The following PRKAG2 variants were observed in gnomAD, a reference collection of about 807,000 sequenced individuals.
The protein encoded by PRKAG2 is 5'-AMP-activated protein kinase subunit gamma-2.
A neutral mutation model predicts 69.6 loss-of-function variants in PRKAG2; 26 were observed. The observed-to-expected ratio is 0.37, with a 90% CI of 0.27 to 0.52. The LOEUF (loss-of-function observed/expected upper bound fraction) is 0.52, where lower values mean the gene tolerates loss of function less well. Ranked by LOEUF, PRKAG2 falls within the 20% of genes least tolerant of loss-of-function variation. The pLI is 0.90. For missense variants in PRKAG2, 557 were observed against 740.0 expected (o/e 0.75, Z 2.87); for synonymous variants, 293 against 285.0 (o/e 1.03, Z -0.28).
chr7:151,717,201 C>T (rs955550878), intron 3 of PRKAG2, among the ~76,000 whole-genome samples: 7 of 149,104 alleles, frequency 4.7e-5, no homozygotes, highest in African/African-American at 1.7e-4. Context: ...GAGCTGAGAT[C>T]GTGACATTGC....
intron 4 of PRKAG2, among the ~76,000 whole-genome samples, chr7:151,650,960 G>A (rs982459221): frequency 6.6e-6 from 1 of 152,148 alleles, no homozygotes; most frequent in African/African-American, 2.4e-5. Flanking sequence ...CTGAAAAATT[G>A]TAGTTATTTG....
chr7:151,614,930 G>A lies in PRKAG2; in HGVS notation c.754+17139C>T, dbSNP rs961455589. Among the ~76,000 whole-genome samples the A allele has an allele frequency of 6.6e-6, 1 of 152,052 alleles. No homozygotes were observed. Among genetic ancestry groups the A allele is most frequent in the East Asian group, 1.9e-4 (1 of 5,190 alleles). On this transcript the variant is annotated intron_variant, in intron 5 of 15. Coordinates refer to ENST00000287878, the MANE Select transcript of PRKAG2 (RefSeq NM_016203.4). The surrounding 1 kb of genome is among the most constrained non-coding windows in gnomAD (Gnocchi z 4.4). Reference sequence around the variant, plus strand: ...GAGGGAACCTCGAGAGAGGAGCCGTGTGGATCTAGAGGGAACCTCGAGAGA... The same window carrying A: ...GAGGGAACCTCGAGAGAGGAGCCGTATGGATCTAGAGGGAACCTCGAGAGA...
Position 151,781,532 on chromosome 7 carries a change from C to T in PRKAG2, c.187-101G>A, listed in dbSNP as rs998228889. ...TCATTGTCCTCTCTCACATGCGGGC[C>T]CCCCATAGTACCCTCCCAGAGAAAC... On this transcript the variant is annotated intron_variant, in intron 2 of 15. Transcript: ENST00000287878. The surrounding 1 kb of genome is among the most constrained non-coding windows in gnomAD (Gnocchi z 6.1). 1 of 1,387,588 alleles carries T rather than the reference C, an allele frequency of 7.2e-7. No homozygotes were observed. The highest frequency in any genetic ancestry group is 9.9e-7 in the Non-Finnish European group (1 of 1,013,870). The allele number at this position is 1,387,588 out of a possible 1,614,324, so 86.0% of individuals were successfully genotyped here.
At chr7:151,784,617 T>C (rs2076909107) in intron 2 of PRKAG2, among the ~76,000 whole-genome samples, 1 of 152,066 alleles carries the variant, frequency 6.6e-6, no homozygotes, top group Non-Finnish European at 1.5e-5. Flanking sequence ...GGCCATTCAC[T>C]TGGGCCACCA....
intron 6 of PRKAG2, among the ~76,000 whole-genome samples, chr7:151,578,957 T>C (rs1809689372): frequency 6.6e-6 from 1 of 152,242 alleles, no homozygotes; most frequent in Non-Finnish European, 1.5e-5. Context: ...TTTGCTTTTC[T>C]AAACTGGTTG....
intron 1 of PRKAG2, among the ~76,000 whole-genome samples, chr7:151,875,886 C>T (rs2080386220): frequency 6.6e-6 from 1 of 152,086 alleles, no homozygotes; most frequent in Admixed American, 6.5e-5. Context: ...GCTCCGAGCC[C>T]CCAAATACCA....
intron 1 of PRKAG2, among the ~76,000 whole-genome samples, chr7:151,821,424 C>A (rs1163847709): frequency 2.0e-5 from 3 of 152,140 alleles, no homozygotes; most frequent in African/African-American, 7.2e-5. Flanking sequence ...CAGGCTGTAG[C>A]ACAAGCCTGG....
intron 5 of PRKAG2, among the ~76,000 whole-genome samples, chr7:151,605,299 G>A (rs1817239816): frequency 6.6e-6 from 1 of 151,270 alleles, no homozygotes; most frequent in Non-Finnish European, 1.5e-5. Flanking sequence ...TTACAGGTGT[G>A]AGCCATCACA....
intron 3 of PRKAG2, among the ~76,000 whole-genome samples, chr7:151,737,017 GTA>G (rs2073471307): frequency 1.3e-5 from 2 of 152,120 alleles, no homozygotes; most frequent in East Asian, 1.9e-4. Context: ...TTTATAATTT[GTA>G]TATGTTTTGC....
At chr7:151,702,891 C>G (rs1039602512) in intron 3 of PRKAG2, among the ~76,000 whole-genome samples, 10 of 152,186 alleles carry the variant, frequency 6.6e-5, no homozygotes, top group Admixed American at 2.6e-4. Context: ...ATGCCAGAAG[C>G]TGGGGGTGAT....
intron 3 of PRKAG2, among the ~76,000 whole-genome samples, chr7:151,733,818 T>A (rs572621660): frequency 1.6e-4 from 24 of 152,128 alleles, no homozygotes; most frequent in African/African-American, 5.5e-4. Flanking sequence ...ACTTCAGCTT[T>A]CTGAGTAGCT....
At chr7:151,574,074 C>T (rs747366046) in intron 8 of PRKAG2, among the ~76,000 whole-genome samples, 3 of 152,086 alleles carry the variant, frequency 2.0e-5, no homozygotes, top group South Asian at 2.1e-4. Flanking sequence ...CCACTGTGCC[C>T]GGCAAGAGCA....
chr7:151,786,793 A>G (rs2077033526), intron 1 of PRKAG2, among the ~76,000 whole-genome samples: 1 of 152,226 alleles, frequency 6.6e-6, no homozygotes. Flanking sequence ...GAAGGAGGAA[A>G]GAAGAAATGG....
chr7:151,647,171 A>G (rs1345477683), intron 4 of PRKAG2, among the ~76,000 whole-genome samples: 2 of 152,200 alleles, frequency 1.3e-5, no homozygotes, highest in Non-Finnish European at 2.9e-5. Context: ...CATTGCAGAG[A>G]GAGAGAAGAA....
chr7:151,815,254 C>T (rs1374245311), intron 1 of PRKAG2, among the ~76,000 whole-genome samples: 1 of 152,168 alleles, frequency 6.6e-6, no homozygotes, highest in Non-Finnish European at 1.5e-5. Context: ...CCTATATCAG[C>T]CATGTCTCTG....
In PRKAG2 at chr7:151,760,193, C is replaced by T. The variant is rs1364879601; in HGVS notation, c.466+20959G>A. Among the ~76,000 whole-genome samples, 3 of 152,208 alleles carry T rather than the reference C, an allele frequency of 2.0e-5. No homozygotes were observed. The East Asian group carries it at 5.8e-4, about 29-fold the overall frequency. Reference sequence around the variant, plus strand: ...AGCTGGGTCTCCCAGAAGCCTGTCTCCATCAGCCTGCTTTGCTTCCTTACT... The same window carrying T: ...AGCTGGGTCTCCCAGAAGCCTGTCTTCATCAGCCTGCTTTGCTTCCTTACT... On this transcript the variant is annotated intron_variant, in intron 3 of 15. Coordinates refer to ENST00000287878, the MANE Select transcript of PRKAG2 (RefSeq NM_016203.4).
intron 5 of PRKAG2, among the ~76,000 whole-genome samples, chr7:151,601,604 A>T (rs570004246): frequency 2.0e-5 from 3 of 152,162 alleles, no homozygotes; most frequent in African/African-American, 7.2e-5. Flanking sequence ...CAGACCTCAG[A>T]ACTGTCTCGT....
chr7:151,705,278 T>C (rs1276371172), intron 3 of PRKAG2, among the ~76,000 whole-genome samples: 3 of 152,130 alleles, frequency 2.0e-5, no homozygotes, highest in African/African-American at 7.2e-5. Flanking sequence ...TTCCTACTGA[T>C]AAGCCCACTT....
At chr7:151,830,336 C>T (rs548580088) in intron 1 of PRKAG2, among the ~76,000 whole-genome samples, 2 of 151,884 alleles carry the variant, frequency 1.3e-5, no homozygotes, top group South Asian at 2.1e-4. Context: ...GTGTGGGCCA[C>T]GGAAAGGCCA....
Sources: gnomAD v4.1 joint callset for allele counts (sites outside exome capture counted in the v4.1 genomes callset) on GRCh38, gnomAD v4.1.1 for gene constraint, Gnocchi (gnomAD v3.1) non-coding constraint, MANE v1.5 for transcripts, NCBI Gene and HGNC (gene_info 2026-07-23, HGNC 2026-07-21) for gene names.